Variants in KRT25 observed in about 807,000 individuals in gnomAD.
The protein encoded by KRT25 is keratin 25, also known as keratin, type I cytoskeletal 25.
KRT25 carries 37 observed loss-of-function variants against 47.6 expected under a neutral mutation model. The observed-to-expected ratio is 0.78, with a 90% confidence interval of 0.60 to 1.02. The LOEUF (loss-of-function observed/expected upper bound fraction) is 1.02, where lower values mean the gene tolerates loss of function less well. Among genes scored for constraint, KRT25 ranks in the 50% least tolerant of loss-of-function variants. The pLI, the probability that KRT25 is intolerant of heterozygous loss-of-function variation, is 0.00. For missense variants in KRT25, 542 were observed against 550.3 expected (o/e 0.98, Z 0.15); for synonymous variants, 203 against 210.2 (o/e 0.97, Z 0.30).
chr17:40,751,268 GC>G lies in KRT25; in HGVS notation c.727del (p.Ala243ProfsTer10), dbSNP rs1389329368. 2 of 1,614,136 alleles carry G rather than the reference GC, an allele frequency of 1.2e-6. No individual in the cohort carries two copies. The highest frequency in any genetic ancestry group is 1.7e-6 in the Non-Finnish European group (2 of 1,180,006). ...CAGAACTGTGAGGTCCACCCCGGGG[GC>G]TGCGTTCATCTCCACGTTCACGTTG... ...GGNVNVEMNA[A>X]PGVDLTVLLN... On this transcript the variant is annotated frameshift_variant, in exon 4 of 8. Coordinates refer to ENST00000312150, the MANE Select transcript of KRT25 (RefSeq NM_181534.4). LOFTEE classifies it high-confidence loss of function.
chr17:40,749,136 C>T (rs2038022839), intron 7 of KRT25, 122 bp downstream of exon 7: 2 of 713,624 alleles, frequency 2.8e-6, no homozygotes, highest in Non-Finnish European at 2.4e-6. Context: ...AAATAATATG[C>T]ACAACAAACC....
intron 3 of KRT25, among the ~76,000 whole-genome samples, chr17:40,752,224 T>A (rs1486387875): frequency 2.0e-5 from 3 of 152,204 alleles, no homozygotes; most frequent in African/African-American, 4.8e-5. Context: ...GTTATTATGA[T>A]TATTATCATC....
intron 1 of KRT25, 125 bp downstream of exon 1, chr17:40,754,718 C>CAAAAAA (rs33924883): frequency 6.8e-5 from 41 of 606,106 alleles, no homozygotes; most frequent in African/African-American, 2.8e-4. Context: ...AACTCCTTCT[C>CAAAAAA]AAAAAAAAAA....
At chr17:40,750,172 T>A (rs997514645) in intron 6 of KRT25, among the ~76,000 whole-genome samples, 6 of 152,218 alleles carry the variant, frequency 3.9e-5, no homozygotes, top group Non-Finnish European at 7.3e-5. Flanking sequence ...ATTTTCAATG[T>A]TCATATCTTG....
Position 40,753,970 on chromosome 17 carries a change from T to C in KRT25, c.559A>G (p.Asn187Asp), listed in dbSNP as rs778429418. 8 of 1,613,878 alleles carry C rather than the reference T, an allele frequency of 5.0e-6. No individual in the cohort carries two copies. The East Asian group carries it at 1.8e-4, about 36-fold the overall frequency. The change falls in exon 3 of 8, where the codon AAT becomes GAT. Residue 187 changes from asparagine (N) to aspartate (D), a missense_variant. Transcript: ENST00000312150. Reference protein sequence around the residue: ...ALHQSVEADVNGLRRVLDEIT... With the variant: ...ALHQSVEADVDGLRRVLDEIT... ...TCATCCAAAACTCTTCGTAACCCAT[T>C]GACATCAGCCTCTACACTCTGGTGA...
intron 3 of KRT25, among the ~76,000 whole-genome samples, chr17:40,752,880 A>G (rs1288431624): frequency 6.6e-6 from 1 of 152,202 alleles, no homozygotes; most frequent in African/African-American, 2.4e-5. Context: ...TAAAATATCA[A>G]ATTTATTTTC....
intron 2 of KRT25, 50 bp downstream of exon 2, chr17:40,754,336 T>C (rs952569193): frequency 4.2e-6 from 6 of 1,424,380 alleles, no homozygotes; most frequent in African/African-American, 1.4e-5. Flanking sequence ...TTTGATGTAA[T>C]GCGTTGCATG....
Position 40,749,335 on chromosome 17 carries a change from C to G in KRT25, c.1176-10G>C. 5 of 1,607,876 alleles carry G rather than the reference C, an allele frequency of 3.1e-6. No individual in the cohort carries two copies. The South Asian group carries it at 5.5e-5, about 18-fold the overall frequency. On this transcript the variant is annotated splice_polypyrimidine_tract_variant and intron_variant, in intron 6 of 7. Coordinates refer to ENST00000312150, the MANE Select transcript of KRT25 (RefSeq NM_181534.4). Reference sequence around the variant, plus strand: ...CCCAGACTTACAGGCTCTGTGAAAACATCGCAAAAGAGGGTGATTTAGAGA... The same window carrying G: ...CCCAGACTTACAGGCTCTGTGAAAAGATCGCAAAAGAGGGTGATTTAGAGA...
intron 3 of KRT25, 96 bp from the exon 4 acceptor site, chr17:40,751,422 TC>T: frequency 7.3e-7 from 1 of 1,378,286 alleles, no homozygotes. Context: ...CGTCTGGTTT[TC>T]CCCTCCCAGG....
rs2038037198 is a variant in KRT25 at position 40,750,583 on chromosome 17, C to T, written c.972G>A (p.Glu324=). 2.5e-6 allele frequency: 4 copies of T among 1,614,082 alleles called. No homozygotes were observed. The highest frequency in any genetic ancestry group is 3.4e-6 in the Non-Finnish European group (4 of 1,180,038). ...QSLLATKHSL[E]CSLTETESNY... ...TGCTCTCGGTCTCTGTCAAGGAGCA[C>T]TCCAGGGAGTGTTTCTGTCAGGAAG... Residue 324 remains glutamate, a synonymous_variant, in exon 6 of 8, where the codon GAG becomes GAA. Transcript: ENST00000312150.
intron 7 of KRT25, among the ~76,000 whole-genome samples, chr17:40,748,709 G>A (rs1442699789): frequency 6.6e-6 from 1 of 152,114 alleles, no homozygotes; most frequent in Non-Finnish European, 1.5e-5. Flanking sequence ...AAGTAGTTGG[G>A]TATATATACC....
In KRT25 at chr17:40,754,854, G is replaced by A; in HGVS notation, c.418C>T (p.Leu140Phe). ...YSRYFPIIDD[L>F]KNQIIASTTS... ...GTATGATTTCTTACCTGATTTTTAA[G>A]GTCATCAATTATTGGGAAATATCTG... Residue 140 changes from leucine (L) to phenylalanine (F), a missense_variant, in exon 1 of 8, where the codon CTT becomes TTT. Physicochemically the swap from Leu to Phe is conservative, Grantham distance 22. Transcript: ENST00000312150. 2 of 1,610,512 alleles carry A rather than the reference G, an allele frequency of 1.2e-6. 1 individual carries two copies. Among genetic ancestry groups the A allele is most frequent in the Non-Finnish European group, 1.7e-6 (2 of 1,177,962 alleles).
In KRT25 at chr17:40,755,200, A is replaced by G. The variant is rs1273584295; in HGVS notation, c.72T>C (p.Tyr24=). 3 of 1,614,178 alleles carry G rather than the reference A, an allele frequency of 1.9e-6. No homozygotes were observed. The highest frequency in any genetic ancestry group is 2.2e-5 in the East Asian group (1 of 44,886). Residue 24 remains tyrosine, a synonymous_variant, in exon 1 of 8, where the codon TAT becomes TAC. Transcript: ENST00000312150. ...CAGTACCAAAGCTGGTTCCCCCACCATAGAGTCTGAGTGATCCAGTGGTGG... is the reference window on the plus strand; with the variant it reads ...CAGTACCAAAGCTGGTTCCCCCACCGTAGAGTCTGAGTGATCCAGTGGTGG... ...PRPTTGSLRL[Y]GGGTSFGTGN... is the part of the protein sequence containing the mutation.
intron 6 of KRT25, 38 bp from the exon 7 acceptor site, chr17:40,749,363 AC>A: frequency 7.0e-7 from 1 of 1,431,290 alleles, no homozygotes; most frequent in Non-Finnish European, 9.9e-7. Flanking sequence ...TTTAGAGAGA[AC>A]CCCATCAATT....
intron 3 of KRT25, among the ~76,000 whole-genome samples, chr17:40,751,840 T>C (rs1404879562): frequency 6.7e-6 from 1 of 150,048 alleles, no homozygotes; most frequent in Non-Finnish European, 1.5e-5. Flanking sequence ...ATTGAAATGA[T>C]GATAAATAAA....
At chr17:40,750,356 A>G in intron 6 of KRT25, 24 bp downstream of exon 6, 1 of 1,610,958 alleles carries the variant, frequency 6.2e-7, no homozygotes. Context: ...ATATTACGCC[A>G]TCTATGCAGA....
chr17:40,752,360 A>G (rs1309223545), intron 3 of KRT25, among the ~76,000 whole-genome samples: 1 of 152,160 alleles, frequency 6.6e-6, no homozygotes, highest in African/African-American at 2.4e-5. Context: ...GACTGTGTAT[A>G]TTGGAATACC....
At chr17:40,751,883 C>CGTGTGT (rs71152701) in intron 3 of KRT25, among the ~76,000 whole-genome samples, 2,234 of 148,984 alleles carry the variant, frequency 0.015, 32 homozygotes, top group Middle Eastern at 0.083. Flanking sequence ...TGTGTGCGTG[C>CGTGTGT]GTGTGTGTGT....
chr17:40,748,921 G>A (rs888590464), intron 7 of KRT25, among the ~76,000 whole-genome samples: 7 of 152,156 alleles, frequency 4.6e-5, no homozygotes, highest in African/African-American at 1.7e-4. Flanking sequence ...TGGAGCTGGA[G>A]GCTATCATCC....
Sources: gnomAD v4.1 joint callset for allele counts (sites outside exome capture counted in the v4.1 genomes callset) on GRCh38, gnomAD v4.1.1 for gene constraint, MANE v1.5 for transcripts, NCBI Gene and HGNC (gene_info 2026-07-23, HGNC 2026-07-21) for gene names.